The following AKAP6 variants were observed in gnomAD, a reference collection of about 807,000 sequenced individuals.
AKAP6 encodes A-kinase anchor protein 6.
AKAP6 carries 58 observed loss-of-function variants against 188.5 expected under a neutral mutation model. That is an observed-to-expected ratio of 0.31 (90% CI 0.25 to 0.38). The LOEUF (loss-of-function observed/expected upper bound fraction) is 0.38. Ranked by LOEUF, AKAP6 falls within the 10% of genes least tolerant of loss-of-function variation. The pLI is 1.00. For missense variants in AKAP6, 2,710 were observed against 2,740.0 expected (o/e 0.99, Z 0.24); for synonymous variants, 989 against 998.6 (o/e 0.99, Z 0.18).
chr14:32,649,794 A>T (rs929902008), intron 7 of AKAP6, among the ~76,000 whole-genome samples: 3 of 152,152 alleles, frequency 2.0e-5, no homozygotes, highest in African/African-American at 7.2e-5. Flanking sequence ...TAATATAAAA[A>T]AGTAAGAGCT....
intron 2 of AKAP6, among the ~76,000 whole-genome samples, chr14:32,458,013 C>T (rs1435974837): frequency 1.3e-5 from 2 of 152,114 alleles, no homozygotes; most frequent in Admixed American, 1.3e-4. Flanking sequence ...ATTCTATCTG[C>T]CTACTTGATA....
intron 2 of AKAP6, among the ~76,000 whole-genome samples, chr14:32,456,118 A>G (rs1891139707): frequency 6.6e-6 from 1 of 152,200 alleles, no homozygotes; most frequent in South Asian, 2.1e-4. Flanking sequence ...GCTAGACTTA[A>G]TAAATACATG....
rs966956293 is a variant in AKAP6, at chr14:32,649,630, T to A, written c.2731-28681T>A. Among the ~76,000 whole-genome samples, 33 of 152,156 alleles carry A rather than the reference T, an allele frequency of 2.2e-4. 1 individual carries two copies. The highest frequency in any genetic ancestry group is 8.0e-4 in the African/African-American group (33 of 41,450). On this transcript the variant is annotated intron_variant, in intron 7 of 13. Transcript: ENST00000280979. ...ACTGCAAATCTTATGAATTGTTTCT[T>A]TTTTTGTAAATATGAATTAATAAAA... is the stretch of plus-strand genomic sequence containing the variant.
chr14:32,692,136 A>G (rs894084251), intron 8 of AKAP6, among the ~76,000 whole-genome samples: 3 of 152,232 alleles, frequency 2.0e-5, no homozygotes, highest in Non-Finnish European at 4.4e-5. Context: ...GATGAAAACA[A>G]ACTAGACTGG....
At chr14:32,366,959 C>T (rs1002438059) in intron 1 of AKAP6, among the ~76,000 whole-genome samples, 2 of 152,132 alleles carry the variant, frequency 1.3e-5, no homozygotes, top group Non-Finnish European at 2.9e-5. Context: ...GCCGATATCC[C>T]TCTTCATGAA....
At chr14:32,600,881 C>T (rs1885899047) in intron 7 of AKAP6, 89 bp downstream of exon 7, 2 of 1,257,384 alleles carry the variant, frequency 1.6e-6, no homozygotes, top group South Asian at 3.8e-5. Flanking sequence ...AACCCTAAGG[C>T]TTTTTGTTTC....
intron 12 of AKAP6, among the ~76,000 whole-genome samples, chr14:32,790,201 T>A (rs1193734438): frequency 6.6e-6 from 1 of 152,088 alleles, no homozygotes; most frequent in Non-Finnish European, 1.5e-5. Flanking sequence ...GAACAAAACC[T>A]CTGAGAAATA....
At chr14:32,584,358 C>T (rs1255310863) in intron 5 of AKAP6, among the ~76,000 whole-genome samples, 1 of 152,138 alleles carries the variant, frequency 6.6e-6, no homozygotes, top group Non-Finnish European at 1.5e-5. Flanking sequence ...CAGGATGGTT[C>T]AAGACTTCAC....
intron 11 of AKAP6, among the ~76,000 whole-genome samples, chr14:32,751,977 A>C (rs2032157059): frequency 6.6e-6 from 1 of 152,234 alleles, no homozygotes; most frequent in Admixed American, 6.5e-5. Flanking sequence ...GAGTCTTCAA[A>C]TTGGGCCCTC....
At position 32,822,883 on chromosome 14, in the gene AKAP6, A is replaced by G; in HGVS notation, c.5070A>G (p.Glu1690=). The G allele has an allele frequency of 1.2e-6, 2 of 1,613,944 alleles. No homozygotes were observed. The highest frequency in any genetic ancestry group is 1.7e-6 in the Non-Finnish European group (2 of 1,179,940). The change falls in exon 13 of 14, where the codon GAA becomes GAG. Residue 1690 remains glutamate (E), a synonymous_variant. Transcript: ENST00000280979. ...INEDSAASLT[E]LSSSDELSLC... ...AAGACTCAGCGGCATCTCTAACAGA[A>G]CTTAGCAGCAGTGACGAGCTCTCTC...
At chr14:32,492,244 T>A (rs1324920948) in intron 2 of AKAP6, among the ~76,000 whole-genome samples, 1 of 151,510 alleles carries the variant, frequency 6.6e-6, no homozygotes, top group Non-Finnish European at 1.5e-5. Context: ...CTAATTGCCT[T>A]CTCTCTCTTT....
At chr14:32,381,816 C>T (rs1209297471) in intron 1 of AKAP6, among the ~76,000 whole-genome samples, 1 of 152,160 alleles carries the variant, frequency 6.6e-6, no homozygotes, top group African/African-American at 2.4e-5. Flanking sequence ...CCTCTAATGA[C>T]TTGTGTACCC....
chr14:32,829,467 A>G (rs959361393), intron 13 of AKAP6, among the ~76,000 whole-genome samples: 1 of 152,238 alleles, frequency 6.6e-6, no homozygotes, highest in Non-Finnish European at 1.5e-5. Flanking sequence ...ATTTTGCCGC[A>G]TCACTTGGCA....
intron 1 of AKAP6, among the ~76,000 whole-genome samples, chr14:32,336,593 A>C (rs1886710466): frequency 6.6e-6 from 1 of 152,216 alleles, no homozygotes; most frequent in Admixed American, 6.5e-5. Flanking sequence ...ACAGATGGTC[A>C]TGATTAGTTC....
rs759990237 is a variant in AKAP6 at position 32,735,887 on chromosome 14, T to TA, written c.3372+12dup. 5.7e-6 allele frequency: 9 copies of TA among 1,568,076 alleles called. No individual in the cohort carries two copies. Among genetic ancestry groups the TA allele is most frequent in the South Asian group, 1.2e-5 (1 of 84,612 alleles). On this transcript the variant is annotated splice_donor_region_variant and intron_variant, in intron 11 of 13. Coordinates refer to ENST00000280979, the MANE Select transcript of AKAP6 (RefSeq NM_004274.5). The stretch of plus-strand genomic sequence containing the variant: ...AAACAACTGCAATACTTTAAGGTAA[T>TA]AAAAAAACAATCAAAGTTGATAAAA...
chr14:32,656,212 C>A (rs1377602449), intron 7 of AKAP6, among the ~76,000 whole-genome samples: 5 of 151,982 alleles, frequency 3.3e-5, no homozygotes, highest in Non-Finnish European at 2.9e-5. Context: ...TAAACATAAA[C>A]ATAAATCTTT....
intron 1 of AKAP6, among the ~76,000 whole-genome samples, chr14:32,332,141 C>G (rs1886552967): frequency 6.6e-6 from 1 of 151,944 alleles, no homozygotes; most frequent in African/African-American, 2.4e-5. Context: ...AGTCCTTAGC[C>G]AGGCGAATAA....
chr14:32,777,582 C>G (rs1337449548), intron 12 of AKAP6, among the ~76,000 whole-genome samples: 2 of 152,032 alleles, frequency 1.3e-5, no homozygotes, highest in African/African-American at 4.8e-5. Flanking sequence ...AATTAGACAT[C>G]ACAGAAGAAA....
At chr14:32,512,083 T>A (rs1265265773) in intron 2 of AKAP6, among the ~76,000 whole-genome samples, 1 of 152,222 alleles carries the variant, frequency 6.6e-6, no homozygotes, top group Admixed American at 6.5e-5. Context: ...CACTAGACAT[T>A]CACAAGATGG....
Sources: allele counts gnomAD v4.1 joint callset (sites outside exome capture counted in the v4.1 genomes callset), GRCh38; gene constraint gnomAD v4.1.1; transcripts MANE v1.5; gene names NCBI Gene and HGNC (gene_info 2026-07-23, HGNC 2026-07-21).